Variants in FAS observed in about 807,000 individuals in gnomAD.
FAS encodes Fas cell surface death receptor, also known as tumor necrosis factor receptor superfamily member 6.
Under a neutral mutation model 33.2 loss-of-function variants are expected in FAS, and 5 were observed. That is an observed-to-expected ratio of 0.15 (90% CI 0.08 to 0.32). FAS has a LOEUF of 0.32. Ranked by LOEUF, FAS falls within the 10% of genes least tolerant of loss-of-function variation. The pLI, the probability that FAS is intolerant of heterozygous loss-of-function variation, is 1.00. For synonymous variants in FAS, 131 were observed against 130.7 expected, an observed-to-expected ratio of 1.00 and a Z score of -0.01; for missense variants, 339 against 386.0, an observed-to-expected ratio of 0.88 and a Z score of 1.02.
chr10:89,010,822 T>A lies in FAS; in HGVS notation c.568+7T>A, dbSNP rs367763675. ...ATTCCACTAATTGTTTGGGGTAAGT[T>A]CTTGCTTTGTTCAAACTGCAGATTG... On this transcript the variant is annotated splice_region_variant and intron_variant, in intron 6 of 8. Transcript: ENST00000652046. The A allele has an allele frequency of 3.7e-6, 6 of 1,613,842 alleles. No homozygotes were observed. In the African/African-American group the frequency reaches 8.0e-5, roughly 22 times the overall value.
At chr10:89,007,530 G>A (rs898245865) in intron 2 of FAS, among the ~76,000 whole-genome samples, 170 bp from the exon 3 acceptor site, 1 of 151,930 alleles carries the variant, frequency 6.6e-6, no homozygotes, top group Non-Finnish European at 1.5e-5. Context: ...TCTGTCTGTT[G>A]ACATGACTTT....
chr10:88,987,348 T>C (rs186930601), upstream of FAS, among the ~76,000 whole-genome samples: 94 of 152,366 alleles, frequency 6.2e-4, no homozygotes, highest in Non-Finnish European at 5.9e-5. Context: ...TGTAAGAATC[T>C]AGCTTAAGCA....
intron 1 of FAS, among the ~76,000 whole-genome samples, chr10:88,968,888 C>A (rs1407523019): frequency 6.6e-6 from 1 of 152,118 alleles, no homozygotes; most frequent in African/African-American, 2.4e-5. Context: ...TGTGGAGGAT[C>A]TAGAATTGGA....
At position 89,014,733 on chromosome 10, in the gene FAS, T is replaced by A. The variant is rs549480941; in HGVS notation, c.*283T>A. On this transcript the variant is annotated 3_prime_UTR_variant, in exon 9 of 9. Coordinates refer to ENST00000652046, the MANE Select transcript of FAS (RefSeq NM_000043.6). ...AGGATGAAAGATTAAGATTATGCTC[T>A]GGCATCTAACATATGATTCTGTAGT... 1 of 603,288 alleles carries A rather than the reference T, an allele frequency of 1.7e-6. No individual in the cohort carries two copies. The highest frequency in any genetic ancestry group is 3.4e-5 in the East Asian group (1 of 29,674). 37.4% of individuals were successfully genotyped at this position (603,288 alleles called of 1,614,324 possible).
intron 1 of FAS, among the ~76,000 whole-genome samples, chr10:88,965,068 T>C (rs938709902): frequency 1.1e-4 from 16 of 152,192 alleles, no homozygotes; most frequent in Non-Finnish European, 1.8e-4. Flanking sequence ...GTTTCTGCCT[T>C]ATTTTAAAAG....
In FAS at chr10:89,016,325, C is replaced by T. The variant is rs148463545; in HGVS notation, c.*1875C>T. 236 of 220,694 alleles carry T rather than the reference C, an allele frequency of 1.1e-3. No individual in the cohort carries two copies. Among genetic ancestry groups the T allele is most frequent in the Non-Finnish European group, 1.6e-3 (171 of 110,110 alleles). The allele number at this position is 220,694 out of a possible 1,614,324, so 13.7% of individuals were successfully genotyped here. On this transcript the variant is annotated 3_prime_UTR_variant, in exon 9 of 9. Transcript: ENST00000652046. ...AGAAAGTCTGAGTGATCACAGGGTT[C>T]ACTCATTAATTTCTCTTTTCTGAGC...
chr10:89,010,065 C>T (rs1203028272), intron 4 of FAS, among the ~76,000 whole-genome samples: 2 of 152,024 alleles, frequency 1.3e-5, no homozygotes, highest in African/African-American at 2.4e-5. Context: ...TGATCACCAC[C>T]GGTTGCTAAA....
At chr10:89,012,610 AG>A (rs565642309) in intron 7 of FAS, 1 of 159,580 alleles carries the variant, frequency 6.3e-6, no homozygotes, top group Non-Finnish European at 1.4e-5. Flanking sequence ...TCAACAAAGG[AG>A]GGAATTGAGA....
At chr10:88,970,967 A>C (rs759061007) in intron 1 of FAS, among the ~76,000 whole-genome samples, 1 of 152,196 alleles carries the variant, frequency 6.6e-6, no homozygotes, top group Non-Finnish European at 1.5e-5. Flanking sequence ...GTCTGAACTC[A>C]TGTCTGACAT....
At chr10:88,980,518 C>T (rs1846685058) in intron 2 of FAS, among the ~76,000 whole-genome samples, 1 of 151,746 alleles carries the variant, frequency 6.6e-6, no homozygotes, top group South Asian at 2.1e-4. Context: ...TTTGTCATCC[C>T]CAGTAATCTG....
chr10:89,001,012 A>C (rs1201153736), intron 1 of FAS, among the ~76,000 whole-genome samples: 1 of 152,260 alleles, frequency 6.6e-6, no homozygotes, highest in Non-Finnish European at 1.5e-5. Context: ...AGATTGTGCC[A>C]CTGTGCTCCA....
chr10:89,005,986 A>G (rs1564689669), intron 2 of FAS, among the ~76,000 whole-genome samples: 1 of 152,202 alleles, frequency 6.6e-6, no homozygotes, highest in African/African-American at 2.4e-5. Flanking sequence ...CAACATTTCT[A>G]TAATAAGCAT....
At chr10:88,985,393 G>C (rs1210896384), upstream of FAS, among the ~76,000 whole-genome samples, 2 of 152,164 alleles carry the variant, frequency 1.3e-5, no homozygotes, top group African/African-American at 4.8e-5. Context: ...TCCTTTCTCA[G>C]TTGAACTAGA....
At chr10:88,996,957 C>T (rs1290146166) in intron 1 of FAS, among the ~76,000 whole-genome samples, 2 of 152,116 alleles carry the variant, frequency 1.3e-5, no homozygotes, top group Non-Finnish European at 2.9e-5. Context: ...ACTCTATAGC[C>T]CTTACATTAC....
chr10:88,988,436 TG>T (rs200881561), upstream of FAS, among the ~76,000 whole-genome samples: 2,058 of 10,134 alleles, frequency 0.2, 51 homozygotes, highest in South Asian at 0.37. Context: ...TTTTTTGTTT[TG>T]TTTTTTATCT....
At chr10:88,979,483 G>A (rs1312083405) in intron 2 of FAS, among the ~76,000 whole-genome samples, 1 of 152,138 alleles carries the variant, frequency 6.6e-6, no homozygotes, top group Non-Finnish European at 1.5e-5. Flanking sequence ...TACTCATCTT[G>A]GGATGATTTT....
intron 2 of FAS, among the ~76,000 whole-genome samples, chr10:88,976,175 TACACTA>T (rs1846558186): frequency 1.3e-5 from 2 of 152,036 alleles, no homozygotes; most frequent in Non-Finnish European, 2.9e-5. Flanking sequence ...ACACATAAAA[TACACTA>T]ACACTAACTA....
upstream of FAS, among the ~76,000 whole-genome samples, chr10:88,985,898 T>C (rs1846867284): frequency 6.6e-6 from 1 of 152,358 alleles, no homozygotes; most frequent in East Asian, 1.9e-4. Flanking sequence ...TTGCCACTAG[T>C]AGTTTGGGAA....
chr10:88,989,637 C>T (rs1847048235), upstream of FAS: 1 of 513,852 alleles, frequency 1.9e-6, no homozygotes, highest in South Asian at 1.4e-5. Flanking sequence ...GGAGGGTAAC[C>T]TAACCTAGAT....
Sources: gnomAD v4.1 joint callset for allele counts (sites outside exome capture counted in the v4.1 genomes callset) on GRCh38, gnomAD v4.1.1 for gene constraint, MANE v1.5 for transcripts, NCBI Gene and HGNC (gene_info 2026-07-23, HGNC 2026-07-21) for gene names.